PTPN13: variants seen among roughly 807,000 people sequenced by gnomAD.
PTPN13 encodes protein tyrosine phosphatase non-receptor type 13.
In PTPN13, 191 loss-of-function variants were observed where a neutral mutation model predicts 284.0. That is an observed-to-expected ratio of 0.67 (90% CI 0.60 to 0.76). The LOEUF is 0.76. Among genes scored for constraint, PTPN13 ranks in the 30% least tolerant of loss-of-function variants. The pLI, the probability that PTPN13 is intolerant of heterozygous loss-of-function variation, is 0.00. For synonymous variants in PTPN13, 986 were observed against 1,022.3 expected, an observed-to-expected ratio of 0.96 and a Z score of 0.68; for missense variants, 2,797 against 2,939.9, an observed-to-expected ratio of 0.95 and a Z score of 1.12.
At chr4:86,639,909 T>G (rs1447070519) in intron 2 of PTPN13, among the ~76,000 whole-genome samples, 1 of 152,192 alleles carries the variant, frequency 6.6e-6, no homozygotes, top group African/African-American at 2.4e-5. Flanking sequence ...CAATTTGTGT[T>G]TTAACAAGCC....
intron 40 of PTPN13, among the ~76,000 whole-genome samples, chr4:86,789,879 G>A (rs1461455727): frequency 1.5e-5 from 2 of 133,820 alleles, no homozygotes; most frequent in Admixed American, 7.7e-5. Flanking sequence ...AAGATTTATT[G>A]TGAAGGGCAA....
At chr4:86,613,601 T>G (rs1720183126) in intron 1 of PTPN13, among the ~76,000 whole-genome samples, 1 of 132,668 alleles carries the variant, frequency 7.5e-6, no homozygotes, top group Admixed American at 8.6e-5. Flanking sequence ...GCCACTGCAC[T>G]CCAGCCTGGG....
intron 1 of PTPN13, among the ~76,000 whole-genome samples, chr4:86,623,462 C>G (rs566713802): frequency 7.9e-5 from 12 of 152,256 alleles, no homozygotes; most frequent in Middle Eastern, 3.4e-3. Flanking sequence ...AAGCTGACAC[C>G]TAAAATTAAA....
intron 3 of PTPN13, among the ~76,000 whole-genome samples, chr4:86,678,747 C>T (rs1728570135): frequency 1.3e-5 from 2 of 152,116 alleles, no homozygotes; most frequent in South Asian, 2.1e-4. Flanking sequence ...CACCTCTGGC[C>T]CCATTTCCTA....
At position 86,605,750 on chromosome 4, in the gene PTPN13, TTAGTGA is replaced by T. The variant is rs1048979648; in HGVS notation, c.-6+10966_-6+10971del. ...ATAAGATTTTATAGATAATTTACAC[TTAGTGA>T]TAGTATCTTCAGAAAGTGCTGTCAT... is the stretch of plus-strand genomic sequence containing the variant. On this transcript the variant is annotated intron_variant, in intron 1 of 47. Transcript: ENST00000411767. Among the ~76,000 whole-genome samples, 43 of 151,530 alleles carry T rather than the reference TTAGTGA, an allele frequency of 2.8e-4. 1 individual carries two copies. Among genetic ancestry groups the T allele is most frequent in the South Asian group, 8.3e-4 (4 of 4,818 alleles).
intron 1 of PTPN13, among the ~76,000 whole-genome samples, chr4:86,629,752 C>A (rs2148699433): frequency 6.6e-6 from 1 of 151,974 alleles, no homozygotes; most frequent in African/African-American, 2.4e-5. Flanking sequence ...ATTAAAAATT[C>A]TAAAACCTAT....
In PTPN13 at chr4:86,681,033, G is replaced by GTGATGATGA. The variant is rs369292424; in HGVS notation, c.295-5668_295-5660dup. 8.7e-3 allele frequency among the ~76,000 whole-genome samples: 1,324 copies of GTGATGATGA among 152,156 alleles called. 6 individuals carry two copies. Among genetic ancestry groups the GTGATGATGA allele is most frequent in the Non-Finnish European group, 0.013 (902 of 67,996 alleles). The stretch of plus-strand genomic sequence containing the variant: ...AGAAAAGATGATGATTTTGATGATG[G>GTGATGATGA]TGATGATGATGATGATGTGCAGGGA... On this transcript the variant is annotated intron_variant, in intron 3 of 47. Coordinates refer to ENST00000411767, the MANE Select transcript of PTPN13 (RefSeq NM_080683.3).
chr4:86,699,701 C>T (rs1730952784), intron 6 of PTPN13, among the ~76,000 whole-genome samples: 1 of 152,140 alleles, frequency 6.6e-6, no homozygotes, highest in South Asian at 2.1e-4. Flanking sequence ...CAGGATAAGG[C>T]AGATGGTTAA....
intron 1 of PTPN13, among the ~76,000 whole-genome samples, chr4:86,626,604 T>G (rs1412183649): frequency 2.6e-5 from 4 of 152,172 alleles, no homozygotes. Flanking sequence ...ACACCTCTAA[T>G]AGTGCTTTTA....
rs1288707488 is a variant in PTPN13 at position 86,750,387 on chromosome 4, A to G, written c.2651-83A>G. 4.7e-6 allele frequency: 6 copies of G among 1,265,200 alleles called. No individual in the cohort carries two copies. The South Asian group carries it at 7.5e-5, about 16-fold the overall frequency. The allele number at this position is 1,265,200 out of a possible 1,614,324, so 78.4% of individuals were successfully genotyped here. On this transcript the variant is annotated intron_variant, in intron 17 of 47. Coordinates refer to ENST00000411767, the MANE Select transcript of PTPN13 (RefSeq NM_080683.3). ...GGCAATCAAAATGATTAAAAACTGC[A>G]TGCTGCTTATTTATTAACATAATTA...
intron 2 of PTPN13, among the ~76,000 whole-genome samples, chr4:86,659,019 GAAAT>G (rs1726173329): frequency 6.6e-6 from 1 of 152,034 alleles, no homozygotes; most frequent in African/African-American, 2.4e-5. Flanking sequence ...ATTTCACTAA[GAAAT>G]AAAATCTTAA....
At chr4:86,618,141 A>G (rs1720784152) in intron 1 of PTPN13, among the ~76,000 whole-genome samples, 1 of 152,090 alleles carries the variant, frequency 6.6e-6, no homozygotes, top group Admixed American at 6.5e-5. Flanking sequence ...AGCTTTCTAC[A>G]TATGGCTAGC....
chr4:86,627,948 T>G (rs1565177434), intron 1 of PTPN13, among the ~76,000 whole-genome samples: 1 of 152,198 alleles, frequency 6.6e-6, no homozygotes, highest in Non-Finnish European at 1.5e-5. Context: ...GATTTTTTTT[T>G]GTCCATTCAC....
chr4:86,747,551 CA>C (rs1736920372), intron 17 of PTPN13, among the ~76,000 whole-genome samples: 2 of 143,062 alleles, frequency 1.4e-5, no homozygotes, highest in East Asian at 3.9e-4. Flanking sequence ...GCAGCAGCGG[CA>C]GCAGCAGCAG....
intron 5 of PTPN13, chr4:86,689,754 A>G (rs1410626041): frequency 8.5e-6 from 6 of 702,170 alleles, no homozygotes; most frequent in Non-Finnish European, 1.6e-5. Context: ...TGTTTTGGAT[A>G]TGAAGAATCC....
intron 7 of PTPN13, among the ~76,000 whole-genome samples, chr4:86,704,072 G>A (rs1731460082): frequency 6.6e-6 from 1 of 152,052 alleles, no homozygotes; most frequent in South Asian, 2.1e-4. Context: ...CAGCTACTTG[G>A]GAGGCTGAGG....
intron 9 of PTPN13, among the ~76,000 whole-genome samples, chr4:86,719,854 A>G (rs960434221): frequency 4.6e-5 from 7 of 152,132 alleles, no homozygotes; most frequent in African/African-American, 1.7e-4. Flanking sequence ...TTCCCTGTAG[A>G]TGCTGGGTAT....
chr4:86,745,255 CA>C, intron 17 of PTPN13, 127 bp downstream of exon 17: 1 of 901,040 alleles, frequency 1.1e-6, no homozygotes, highest in Non-Finnish European at 1.6e-6. Context: ...ATAGCTAAAT[CA>C]AGTCTATAAA....
chr4:86,652,453 C>T (rs1725200551), intron 2 of PTPN13, among the ~76,000 whole-genome samples: 1 of 152,138 alleles, frequency 6.6e-6, no homozygotes, highest in Non-Finnish European at 1.5e-5. Flanking sequence ...TCTAGTGCTA[C>T]AAAATCCATC....
Sources: allele counts gnomAD v4.1 joint callset (sites outside exome capture counted in the v4.1 genomes callset), GRCh38; gene constraint gnomAD v4.1.1; transcripts MANE v1.5; gene names NCBI Gene and HGNC (gene_info 2026-07-23, HGNC 2026-07-21).